Variants in STYK1 observed in about 807,000 individuals in gnomAD.
STYK1 encodes tyrosine-protein kinase STYK1.
In STYK1, 46 loss-of-function variants were observed where a neutral mutation model predicts 48.1. The ratio of observed to expected loss-of-function variants is 0.96; its 90% confidence interval spans 0.75 to 1.22. STYK1 has a LOEUF of 1.22. Ranked by LOEUF, STYK1 falls within the 50% of genes most tolerant of loss-of-function variation. STYK1 has a pLI of 0.00. For missense variants in STYK1, 527 were observed against 521.1 expected, an observed-to-expected ratio of 1.01 and a Z score of -0.11; for synonymous variants, 188 against 189.0, an observed-to-expected ratio of 0.99 and a Z score of 0.04.
At chr12:10,658,519 G>A (rs530015931) in intron 1 of STYK1, among the ~76,000 whole-genome samples, 13 of 152,150 alleles carry the variant, frequency 8.5e-5, no homozygotes, top group Admixed American at 3.9e-4. Context: ...AATGACTTAC[G>A]GTGACCTGAG....
At chr12:10,634,444 C>CT (rs1220528359) in intron 3 of STYK1, 123 bp downstream of exon 3, 5 of 1,111,796 alleles carry the variant, frequency 4.5e-6, no homozygotes, top group Middle Eastern at 2.0e-4. Flanking sequence ...AGTCCCCATC[C>CT]TTTTATCACC....
chr12:10,656,486 A>C (rs550967142), intron 1 of STYK1, among the ~76,000 whole-genome samples: 3 of 152,000 alleles, frequency 2.0e-5, no homozygotes, highest in Non-Finnish European at 4.4e-5. Flanking sequence ...TTAGCTGGGC[A>C]TGGTGGTGGG....
chr12:10,668,598 T>C (rs1266219478), intron 1 of STYK1, among the ~76,000 whole-genome samples: 1 of 143,230 alleles, frequency 7.0e-6, no homozygotes, highest in Non-Finnish European at 1.5e-5. Flanking sequence ...TTTCACCATG[T>C]TGGCAAAGCT....
intron 8 of STYK1, among the ~76,000 whole-genome samples, chr12:10,623,640 G>T (rs1947324602): frequency 6.6e-6 from 1 of 152,102 alleles, no homozygotes; most frequent in Non-Finnish European, 1.5e-5. Flanking sequence ...TTTTGAAAAT[G>T]ATTTATAAAA....
In STYK1 at chr12:10,657,400, T is replaced by C. The variant is rs147684768; in HGVS notation, c.-195+16566A>G. On this transcript the variant is annotated intron_variant, in intron 1 of 10. Transcript: ENST00000075503. ...TTATATATGAAAGAGCTCTGATTAA[T>C]TGGTTTAAAAATAATAAGCACTTAA... 6.9e-3 allele frequency among the ~76,000 whole-genome samples: 1,053 copies of C among 152,342 alleles called. 10 individuals carry two copies. Among genetic ancestry groups the C allele is most frequent in the African/African-American group, 0.023 (968 of 41,578 alleles).
Position 10,619,951 on chromosome 12 carries a change from G to A in STYK1, c.*193C>T, listed in dbSNP as rs980441185. ...TGGGACAGCAGAAGTGAGACTGACA[G>A]TATGTCTTAGCTCAGGATGTGTAGA... is the stretch of plus-strand genomic sequence containing the variant. On this transcript the variant is annotated 3_prime_UTR_variant, in exon 11 of 11. Coordinates refer to ENST00000075503, the MANE Select transcript of STYK1 (RefSeq NM_018423.3). The A allele has an allele frequency of 3.7e-5, 24 of 641,864 alleles. No homozygotes were observed. Among genetic ancestry groups the A allele is most frequent in the Non-Finnish European group, 1.1e-5 (4 of 371,552 alleles). The allele number at this position is 641,864 out of a possible 1,614,324, so 39.8% of individuals were successfully genotyped here.
intron 1 of STYK1, among the ~76,000 whole-genome samples, chr12:10,639,928 T>A (rs1217092653): frequency 6.6e-6 from 1 of 152,168 alleles, no homozygotes; most frequent in African/African-American, 2.4e-5. Context: ...ATACACTCAA[T>A]TTGGAAAGAA....
In STYK1 at chr12:10,631,295, A is replaced by G; in HGVS notation, c.201T>C (p.Val67=). The G allele has an allele frequency of 6.2e-7, 1 of 1,614,138 alleles. No homozygotes were observed. Among genetic ancestry groups the G allele is most frequent in the Non-Finnish European group, 8.5e-7 (1 of 1,179,986 alleles). Residue 67 remains valine (V), a synonymous_variant, in exon 5 of 11, where the codon GTT becomes GTC. Transcript: ENST00000075503. ...CCCAGCTTAGGTCCCTAGGTGGAGG[A>G]ACAGGGGCAATGCCTAGAACAGAGA... ...QRSGPQGIAP[V]PPPRDLSWEA... is the part of the protein sequence containing the mutation.
intron 6 of STYK1, among the ~76,000 whole-genome samples, chr12:10,628,049 C>G (rs1465493982): frequency 6.6e-6 from 1 of 152,190 alleles, no homozygotes; most frequent in African/African-American, 2.4e-5. Context: ...CACATGTGTT[C>G]ATGATTAATT....
At chr12:10,635,188 A>G (rs995690859) in intron 2 of STYK1, among the ~76,000 whole-genome samples, 1 of 152,168 alleles carries the variant, frequency 6.6e-6, no homozygotes, top group East Asian at 1.9e-4. Context: ...GTGATCATGC[A>G]TGGCTCATTT....
In STYK1 at chr12:10,672,595, A is replaced by G. The variant is rs1363856507; in HGVS notation, c.-195+1371T>C. ...TGTGAACTGCTCATGTGAGGGATAT[A>G]GGTTGCGAACTCCTTATGAGACTCT... On this transcript the variant is annotated intron_variant, in intron 1 of 10. Coordinates refer to ENST00000075503, the MANE Select transcript of STYK1 (RefSeq NM_018423.3). The surrounding 1 kb of genome is among the most constrained non-coding windows in gnomAD (Gnocchi z 4.0). Among the ~76,000 whole-genome samples, 1 of 152,140 alleles carries G rather than the reference A, an allele frequency of 6.6e-6. No individual in the cohort carries two copies. The highest frequency in any genetic ancestry group is 1.5e-5 in the Non-Finnish European group (1 of 68,034).
In STYK1 at chr12:10,620,132, G is replaced by C. The variant is rs1591671036; in HGVS notation, c.*12C>G. 6.2e-7 allele frequency: 1 copy of C among 1,613,984 alleles called. No homozygotes were observed. The highest frequency in any genetic ancestry group is 8.5e-7 in the Non-Finnish European group (1 of 1,179,926). ...ATATACTCATGCATGAATGTTTCTT[G>C]CCCGAGACTCTTCAAAGCATGCTAT... On this transcript the variant is annotated 3_prime_UTR_variant, in exon 11 of 11. Transcript: ENST00000075503.
chr12:10,635,865 C>T (rs904739718), intron 2 of STYK1, among the ~76,000 whole-genome samples: 3 of 152,180 alleles, frequency 2.0e-5, no homozygotes, highest in Non-Finnish European at 4.4e-5. Flanking sequence ...CATACCTCTC[C>T]TAAATTTATA....
At chr12:10,636,524 A>C (rs1947487354) in intron 2 of STYK1, among the ~76,000 whole-genome samples, 1 of 152,238 alleles carries the variant, frequency 6.6e-6, no homozygotes, top group African/African-American at 2.4e-5. Context: ...ACAATTCATG[A>C]GGCCACATGG....
chr12:10,641,976 G>A (rs1947550210), intron 1 of STYK1, among the ~76,000 whole-genome samples: 1 of 152,216 alleles, frequency 6.6e-6, no homozygotes, highest in Non-Finnish European at 1.5e-5. Context: ...GCATCCGGAA[G>A]CATGTCACCT....
intron 1 of STYK1, among the ~76,000 whole-genome samples, chr12:10,663,548 G>A (rs145606066): frequency 0.046 from 6,042 of 132,592 alleles, 437 homozygotes; most frequent in African/African-American, 0.16. Flanking sequence ...GCAGTGAGCC[G>A]AGATGGCGCC....
chr12:10,627,337 A>G lies in STYK1; in HGVS notation c.717+304T>C, dbSNP rs75116721. ...TACAAATGGGGATGTAAAATTATCAAGTAAATGGGTGTATACCTCTTGGCC... is the reference window on the plus strand; with the variant it reads ...TACAAATGGGGATGTAAAATTATCAGGTAAATGGGTGTATACCTCTTGGCC... On this transcript the variant is annotated intron_variant, in intron 7 of 10. Transcript: ENST00000075503. Among the ~76,000 whole-genome samples the G allele has an allele frequency of 9.2e-5, 14 of 152,282 alleles. No homozygotes were observed. In the East Asian group the frequency reaches 2.5e-3, roughly 27 times the overall value.
intron 1 of STYK1, among the ~76,000 whole-genome samples, chr12:10,663,662 T>C (rs937627613): frequency 5.4e-5 from 8 of 149,180 alleles, no homozygotes; most frequent in South Asian, 2.1e-4. Flanking sequence ...TCCTCCAACT[T>C]TGTTCTTTTT....
At chr12:10,630,907 G>T in intron 5 of STYK1, 138 bp downstream of exon 5, 1 of 1,103,224 alleles carries the variant, frequency 9.1e-7, no homozygotes, top group Non-Finnish European at 1.3e-6. Flanking sequence ...AAACATTTCT[G>T]CCTCAAGTTT....
Sources: gnomAD v4.1 joint callset for allele counts (sites outside exome capture counted in the v4.1 genomes callset) on GRCh38, gnomAD v4.1.1 for gene constraint, Gnocchi (gnomAD v3.1) non-coding constraint, MANE v1.5 for transcripts, NCBI Gene and HGNC (gene_info 2026-07-23, HGNC 2026-07-21) for gene names.